Variants in ATRN observed in about 807,000 individuals in gnomAD.
ATRN encodes attractin, also known as attractin-2.
A neutral mutation model predicts 178.7 loss-of-function variants in ATRN; 54 were observed. That is an observed-to-expected ratio of 0.30 (90% confidence interval 0.24 to 0.38). ATRN has a LOEUF of 0.38. Ranked by LOEUF, ATRN falls within the 10% of genes least tolerant of loss-of-function variation. The pLI is 1.00. For missense variants in ATRN, 1,443 were observed against 1,815.1 expected (o/e 0.79, Z 3.73); for synonymous variants, 636 against 663.0 (o/e 0.96, Z 0.63).
rs138721600 is a variant in ATRN at position 3,550,880 on chromosome 20, C to T, written c.1112+1542C>T. 5.0e-3 allele frequency among the ~76,000 whole-genome samples: 767 copies of T among 152,318 alleles called. 3 individuals are homozygous for T. Among genetic ancestry groups the T allele is most frequent in the African/African-American group, 0.017 (689 of 41,558 alleles). ...CCAGAGTTGTTCAGGGGCTCATGCT[C>T]TTTCCAGACTCTACCTCAGCAAGTC... On this transcript the variant is annotated intron_variant, in intron 6 of 28. Coordinates refer to ENST00000262919, the MANE Select transcript of ATRN (RefSeq NM_139321.3).
At chr20:3,551,283 G>A (rs2085782882) in intron 6 of ATRN, among the ~76,000 whole-genome samples, 1 of 152,142 alleles carries the variant, frequency 6.6e-6, no homozygotes, top group African/African-American at 2.4e-5. Context: ...CCTCAGTACT[G>A]GACGAAATGG....
At chr20:3,501,971 C>A (rs2084970910) in intron 1 of ATRN, among the ~76,000 whole-genome samples, 1 of 151,946 alleles carries the variant, frequency 6.6e-6, no homozygotes, top group Admixed American at 6.6e-5. Flanking sequence ...TCAGCTCTTA[C>A]AAAGGCTGAA....
intron 11 of ATRN, 74 bp from the exon 12 acceptor site, chr20:3,572,652 TAAAAA>T (rs11475024): frequency 2.8e-5 from 29 of 1,036,196 alleles, no homozygotes; most frequent in Non-Finnish European, 3.2e-5. Context: ...CCCTGTCTCT[TAAAAA>T]AAAAAAAAAA....
At chr20:3,573,883 A>G (rs2086165825) in intron 12 of ATRN, among the ~76,000 whole-genome samples, 1 of 151,666 alleles carries the variant, frequency 6.6e-6, no homozygotes, top group African/African-American at 2.4e-5. Flanking sequence ...TTATACAGTC[A>G]CCTGCCACCA....
At chr20:3,582,825 A>T (rs1291845023) in intron 16 of ATRN, among the ~76,000 whole-genome samples, 1 of 152,238 alleles carries the variant, frequency 6.6e-6, no homozygotes. Flanking sequence ...AAGCGAGGAC[A>T]GAAGCAACCC....
chr20:3,576,947 A>G lies in ATRN; in HGVS notation c.2303A>G (p.Asp768Gly). The G allele has an allele frequency of 1.2e-6, 2 of 1,614,076 alleles. No individual in the cohort carries two copies. The highest frequency in any genetic ancestry group is 1.1e-5 in the South Asian group (1 of 91,060). Reference sequence around the variant, plus strand: ...ACCAGCTGCAGGAGCTGTGCCCTGGACCAGAACTGCCAGTGGGAGCCCCGG... The same window carrying G: ...ACCAGCTGCAGGAGCTGTGCCCTGGGCCAGAACTGCCAGTGGGAGCCCCGG... ...KKTSCRSCAL[D>G]QNCQWEPRNQ... Residue 768 changes from aspartate to glycine, a missense_variant, in exon 14 of 29, where the codon GAC becomes GGC. Asp to Gly is a moderately conservative substitution (Grantham distance 94). This residue lies in a region of ATRN where 212 missense variants were observed against 330.7 expected (regional missense o/e 0.64). Coordinates refer to ENST00000262919, the MANE Select transcript of ATRN (RefSeq NM_139321.3).
At chr20:3,553,515 G>A (rs567952511) in intron 6 of ATRN, among the ~76,000 whole-genome samples, 1 of 152,170 alleles carries the variant, frequency 6.6e-6, no homozygotes, top group East Asian at 1.9e-4. Flanking sequence ...GGGTGCCATT[G>A]AACAATATAA....
chr20:3,629,594 G>A (rs2086974315), intron 25 of ATRN, among the ~76,000 whole-genome samples: 1 of 152,098 alleles, frequency 6.6e-6, no homozygotes, highest in South Asian at 2.1e-4. Context: ...GCAGGTTAGG[G>A]GCTCAGTCCC....
chr20:3,638,226 A>T lies in ATRN; in HGVS notation c.3943-602A>T, dbSNP rs2087040445. Among the ~76,000 whole-genome samples the T allele has an allele frequency of 1.3e-5, 2 of 152,168 alleles. No individual in the cohort carries two copies. The highest frequency in any genetic ancestry group is 4.1e-4 in the South Asian group (2 of 4,822). ...GGTTTGCCGCACCTATCAGCCTGTTATCTAGGTTTTAAGCCCTGCATGCAT... is the reference window on the plus strand; with the variant it reads ...GGTTTGCCGCACCTATCAGCCTGTTTTCTAGGTTTTAAGCCCTGCATGCAT... On this transcript the variant is annotated intron_variant, in intron 26 of 28. Coordinates refer to ENST00000262919, the MANE Select transcript of ATRN (RefSeq NM_139321.3). This position sits in a 1 kb window ranked among gnomAD's most constrained non-coding sequence, Gnocchi z 4.5.
At position 3,649,088 on chromosome 20, in the gene ATRN, G is replaced by A. The variant is rs756869227; in HGVS notation, c.*2241G>A. On this transcript the variant is annotated 3_prime_UTR_variant, in exon 29 of 29. Transcript: ENST00000262919. Reference sequence around the variant, plus strand: ...AAGTTTCATTCTGCTCCAGCGGTGGGGAAGCCGCTGAATCCACCTGCTTCT... The same window carrying A: ...AAGTTTCATTCTGCTCCAGCGGTGGAGAAGCCGCTGAATCCACCTGCTTCT... 8.5e-5 allele frequency: 13 copies of A among 152,150 alleles called. No homozygotes were observed. The highest frequency in any genetic ancestry group is 1.8e-4 in the Non-Finnish European group (12 of 68,038). The allele number at this position is 152,150 out of a possible 1,614,324, so 9.4% of individuals were successfully genotyped here. A position where few individuals can be genotyped will look rare whatever the true frequency, so the allele number is the denominator to read the frequency against.
intron 23 of ATRN, among the ~76,000 whole-genome samples, chr20:3,603,064 T>C (rs1188702568): frequency 6.9e-6 from 1 of 145,684 alleles, no homozygotes; most frequent in African/African-American, 2.6e-5. Context: ...AACTCAGACA[T>C]GGAAAAAAGT....
Position 3,471,056 on chromosome 20 carries a change from C to T in ATRN, c.-52C>T. ...GCACGGCCAGGCGAAGCGGAGCCGG[C>T]CGTGCGGTGTGTGTGTATGTGTTCG... On this transcript the variant is annotated 5_prime_UTR_variant, in exon 1 of 29. Transcript: ENST00000262919. 2.7e-6 allele frequency: 4 copies of T among 1,461,370 alleles called. No individual in the cohort carries two copies. Among genetic ancestry groups the T allele is most frequent in the Non-Finnish European group, 3.6e-6 (4 of 1,113,460 alleles). The allele number at this position is 1,461,370 out of a possible 1,614,324, so 90.5% of individuals were successfully genotyped here.
intron 24 of ATRN, among the ~76,000 whole-genome samples, chr20:3,610,724 C>T (rs1263112910): frequency 6.6e-6 from 1 of 150,448 alleles, no homozygotes; most frequent in African/African-American, 2.4e-5. Context: ...AGGTGCATAC[C>T]ACCATGCCTG....
chr20:3,523,380 AG>A (rs1325435787), intron 1 of ATRN, among the ~76,000 whole-genome samples: 1 of 152,100 alleles, frequency 6.6e-6, no homozygotes, highest in Non-Finnish European at 1.5e-5. Flanking sequence ...AGAATGAAAA[AG>A]GAACAAACAA....
At chr20:3,627,310 A>G (rs2086949856) in intron 25 of ATRN, among the ~76,000 whole-genome samples, 1 of 152,196 alleles carries the variant, frequency 6.6e-6, no homozygotes, top group Non-Finnish European at 1.5e-5. Flanking sequence ...CACCCCAAAC[A>G]TTTGAAAACT....
chr20:3,581,191 G>A (rs73074626), intron 15 of ATRN, among the ~76,000 whole-genome samples: 177 of 152,276 alleles, frequency 1.2e-3, no homozygotes, highest in African/African-American at 4.0e-3. Context: ...GTTTGAGGCT[G>A]TAGTGAGCCA....
At chr20:3,479,723 A>G (rs2084592294) in intron 1 of ATRN, among the ~76,000 whole-genome samples, 1 of 152,200 alleles carries the variant, frequency 6.6e-6, no homozygotes, top group African/African-American at 2.4e-5. Context: ...ATCTCTCTGA[A>G]GACTCTCAGG....
At chr20:3,614,934 G>A (rs2086821709) in intron 24 of ATRN, among the ~76,000 whole-genome samples, 1 of 152,048 alleles carries the variant, frequency 6.6e-6, no homozygotes, top group South Asian at 2.1e-4. Context: ...TGTTTAGTAT[G>A]TTTCAGTACT....
At chr20:3,592,585 C>A in intron 19 of ATRN, 1 of 695,816 alleles carries the variant, frequency 1.4e-6, no homozygotes, top group Admixed American at 6.3e-5. Flanking sequence ...AAAGACTTTT[C>A]AAAGTTCTGA....
Sources: gnomAD v4.1 joint callset for allele counts (sites outside exome capture counted in the v4.1 genomes callset) on GRCh38, gnomAD v4.1.1 for gene constraint, gnomAD v4.1.1 regional missense constraint, Gnocchi (gnomAD v3.1) non-coding constraint, MANE v1.5 for transcripts, NCBI Gene and HGNC (gene_info 2026-07-23, HGNC 2026-07-21) for gene names.